The following SIK2 variants were observed in gnomAD, a reference collection of about 807,000 sequenced individuals.
SIK2 encodes the protein serine/threonine-protein kinase SIK2.
Under a neutral mutation model 103.2 loss-of-function variants are expected in SIK2, and 29 were observed. The ratio of observed to expected loss-of-function variants is 0.28; its 90% confidence interval spans 0.21 to 0.38. The LOEUF (loss-of-function observed/expected upper bound fraction) is 0.38. SIK2 is among the 10% of genes least tolerant of loss of function. SIK2 has a pLI of 1.00. For synonymous variants in SIK2, 412 were observed against 446.1 expected, an observed-to-expected ratio of 0.92 and a Z score of 0.96; for missense variants, 879 against 1,171.0, an observed-to-expected ratio of 0.75 and a Z score of 3.64.
intron 3 of SIK2, among the ~76,000 whole-genome samples, chr11:111,684,155 T>C (rs1025705802): frequency 1.3e-5 from 2 of 152,258 alleles, no homozygotes; most frequent in South Asian, 2.1e-4. Flanking sequence ...GATTCAGATA[T>C]ACAATGCCTT....
In SIK2 at chr11:111,638,044, A is replaced by G. The variant is rs1038932984; in HGVS notation, c.316+17642A>G. ...CAGTAGAAGGGATTTTTTCACTGCT[A>G]GGGTGATCTGACTGTGTTCTTATAT... On this transcript the variant is annotated intron_variant, in intron 3 of 14. Coordinates refer to ENST00000304987, the MANE Select transcript of SIK2 (RefSeq NM_015191.3). Among the ~76,000 whole-genome samples the G allele has an allele frequency of 2.6e-5, 4 of 152,314 alleles. No homozygotes were observed. The East Asian group carries it at 7.7e-4, about 29-fold the overall frequency.
chr11:111,696,972 G>A (rs1031067466), intron 4 of SIK2, among the ~76,000 whole-genome samples: 2 of 152,190 alleles, frequency 1.3e-5, no homozygotes, highest in Admixed American at 1.3e-4. Context: ...AGATTCCTGT[G>A]AAGAAATTAA....
chr11:111,713,950 G>C (rs924857324), intron 9 of SIK2, among the ~76,000 whole-genome samples: 1 of 152,110 alleles, frequency 6.6e-6, no homozygotes, highest in Non-Finnish European at 1.5e-5. Flanking sequence ...CCAGGCGACA[G>C]TGCAAGACTG....
intron 3 of SIK2, among the ~76,000 whole-genome samples, chr11:111,679,105 T>C (rs1353219701): frequency 6.6e-6 from 1 of 152,192 alleles, no homozygotes; most frequent in Non-Finnish European, 1.5e-5. Flanking sequence ...CATGTTTTAT[T>C]AAAGATGTGG....
intron 3 of SIK2, among the ~76,000 whole-genome samples, chr11:111,648,299 G>A (rs1288790652): frequency 3.9e-5 from 6 of 152,028 alleles, no homozygotes; most frequent in Admixed American, 1.3e-4. Flanking sequence ...GGTAACATAA[G>A]CAACAGAAAT....
At chr11:111,670,332 A>T (rs1005242220) in intron 3 of SIK2, among the ~76,000 whole-genome samples, 1 of 152,284 alleles carries the variant, frequency 6.6e-6, no homozygotes, top group Non-Finnish European at 1.5e-5. Flanking sequence ...AATATTTGTC[A>T]TACATCTGCA....
intron 3 of SIK2, among the ~76,000 whole-genome samples, chr11:111,634,833 T>C (rs1376298463): frequency 6.6e-6 from 1 of 152,230 alleles, no homozygotes. Context: ...CATGATCTGC[T>C]ATGCAGATTT....
intron 4 of SIK2, among the ~76,000 whole-genome samples, chr11:111,693,270 G>A (rs1274292882): frequency 1.3e-5 from 2 of 151,626 alleles, no homozygotes; most frequent in African/African-American, 4.8e-5. Flanking sequence ...GGAGTCAGAG[G>A]TTGCAGTGAG....
chr11:111,721,465 A>C (rs1018163748), intron 12 of SIK2, among the ~76,000 whole-genome samples: 31 of 152,230 alleles, frequency 2.0e-4, no homozygotes, highest in African/African-American at 7.5e-4. Flanking sequence ...TAAATACTAC[A>C]AGTGGATTAT....
intron 9 of SIK2, among the ~76,000 whole-genome samples, chr11:111,713,454 C>A (rs975248148): frequency 6.6e-6 from 1 of 152,058 alleles, no homozygotes. Flanking sequence ...AAGGAGAACA[C>A]CAACTTTATG....
chr11:111,616,832 TA>T (rs975166536), intron 2 of SIK2, among the ~76,000 whole-genome samples: 68 of 146,174 alleles, frequency 4.7e-4, no homozygotes, highest in Admixed American at 6.8e-4. Flanking sequence ...CACTGTCTCT[TA>T]AAAAAAAAAA....
intron 3 of SIK2, among the ~76,000 whole-genome samples, chr11:111,663,871 A>G (rs191485622): frequency 5.3e-5 from 8 of 152,362 alleles, no homozygotes; most frequent in Admixed American, 5.2e-4. Context: ...TAGAGTTATT[A>G]TCACTGTTTT....
At chr11:111,613,158 A>C (rs1167255196) in intron 1 of SIK2, among the ~76,000 whole-genome samples, 1 of 151,956 alleles carries the variant, frequency 6.6e-6, no homozygotes, top group Non-Finnish European at 1.5e-5. Context: ...AAAGGGTATA[A>C]AAAAGGAGCT....
intron 4 of SIK2, among the ~76,000 whole-genome samples, chr11:111,692,590 G>A (rs1001665531): frequency 6.6e-6 from 1 of 151,992 alleles, no homozygotes; most frequent in African/African-American, 2.4e-5. Flanking sequence ...GCTATAAAGT[G>A]TTTAGATGGA....
rs149729231 is a variant in SIK2, at chr11:111,659,634, C to G, written c.317-28367C>G. ...AACGCATTCTCCATTTTTTAAAGCTCTTTCAGCTCAGTTCCACACAGCTCA... is the reference window on the plus strand; with the variant it reads ...AACGCATTCTCCATTTTTTAAAGCTGTTTCAGCTCAGTTCCACACAGCTCA... On this transcript the variant is annotated intron_variant, in intron 3 of 14. Coordinates refer to ENST00000304987, the MANE Select transcript of SIK2 (RefSeq NM_015191.3). Among the ~76,000 whole-genome samples the G allele has an allele frequency of 1.6e-3, 239 of 152,266 alleles. 2 individuals carry two copies. The highest frequency in any genetic ancestry group is 5.3e-3 in the African/African-American group (221 of 41,532).
At chr11:111,677,586 A>ATTTTTTTTTTT (rs11384906) in intron 3 of SIK2, among the ~76,000 whole-genome samples, 20 of 110,898 alleles carry the variant, frequency 1.8e-4, no homozygotes, top group East Asian at 2.6e-4. Flanking sequence ...CCCAGCTAAA[A>ATTTTTTTTTTT]TTTTTTTTTT....
chr11:111,717,096 C>T (rs1339198282), intron 9 of SIK2, among the ~76,000 whole-genome samples: 4 of 151,936 alleles, frequency 2.6e-5, no homozygotes, highest in Non-Finnish European at 4.4e-5. Flanking sequence ...AGGCGGATCA[C>T]GAGGTCAGGA....
intron 1 of SIK2, among the ~76,000 whole-genome samples, chr11:111,609,337 G>C (rs943664170): frequency 6.6e-6 from 1 of 151,110 alleles, no homozygotes; most frequent in Non-Finnish European, 1.5e-5. Context: ...TTTTTTTGGG[G>C]GGGGGACAGG....
chr11:111,681,759 A>G (rs1421934488), intron 3 of SIK2, among the ~76,000 whole-genome samples: 1 of 152,214 alleles, frequency 6.6e-6, no homozygotes, highest in Non-Finnish European at 1.5e-5. Flanking sequence ...CACCTAATAA[A>G]TGTGGCAGGA....
Sources: allele counts gnomAD v4.1 joint callset (sites outside exome capture counted in the v4.1 genomes callset), GRCh38; gene constraint gnomAD v4.1.1; transcripts MANE v1.5; gene names NCBI Gene and HGNC (gene_info 2026-07-23, HGNC 2026-07-21).